Variants in CNBD1 observed in about 807,000 individuals in gnomAD.
CNBD1 encodes cyclic nucleotide binding domain containing 1, also known as cyclic nucleotide-binding domain-containing protein 1.
A neutral mutation model predicts 54.4 loss-of-function variants in CNBD1; 71 were observed. The observed-to-expected ratio is 1.30, with a 90% CI of 1.08 to 1.59. The LOEUF is 1.59. Ranked by LOEUF, CNBD1 falls within the 40% of genes most tolerant of loss-of-function variation. The pLI is 0.00. For missense variants in CNBD1, 659 were observed against 518.0 expected, an observed-to-expected ratio of 1.27 and a Z score of -2.64; for synonymous variants, 182 against 170.7, an observed-to-expected ratio of 1.07 and a Z score of -0.51.
intron 10 of CNBD1, among the ~76,000 whole-genome samples, chr8:87,357,333 G>T (rs1044375937): frequency 6.6e-6 from 1 of 152,160 alleles, no homozygotes; most frequent in Non-Finnish European, 1.5e-5. Context: ...GCCTGGAAAA[G>T]CTACAGGCGT....
chr8:86,872,645 C>T (rs1414083223), intron 1 of CNBD1, among the ~76,000 whole-genome samples: 1 of 152,052 alleles, frequency 6.6e-6, no homozygotes, highest in African/African-American at 2.4e-5. Context: ...AGTGGTATCT[C>T]GCTGTGGATT....
At chr8:87,351,818 T>C (rs755658687) in intron 9 of CNBD1, 24 bp downstream of exon 9, 7 of 1,438,498 alleles carry the variant, frequency 4.9e-6, no homozygotes, top group Non-Finnish European at 6.4e-6. Flanking sequence ...ATGTATTCTT[T>C]TTAATCAATT....
At chr8:86,998,527 G>T (rs767406307) in intron 4 of CNBD1, among the ~76,000 whole-genome samples, 1 of 152,156 alleles carries the variant, frequency 6.6e-6, no homozygotes, top group Non-Finnish European at 1.5e-5. Context: ...GGGGTCCTGT[G>T]CATTGGGCAA....
chr8:87,355,885 A>G (rs991658520), intron 10 of CNBD1, among the ~76,000 whole-genome samples: 1 of 152,114 alleles, frequency 6.6e-6, no homozygotes, highest in Non-Finnish European at 1.5e-5. Flanking sequence ...GGTCAAGGAG[A>G]TGGATCCTTT....
chr8:87,016,126 G>A lies in CNBD1; in HGVS notation c.431+76372G>A, dbSNP rs892154948. 7.3e-5 allele frequency among the ~76,000 whole-genome samples: 11 copies of A among 151,274 alleles called. 1 individual carries two copies. Among genetic ancestry groups the A allele is most frequent in the Non-Finnish European group, 2.9e-5 (2 of 67,944 alleles). On this transcript the variant is annotated intron_variant, in intron 4 of 10. Coordinates refer to ENST00000518476, the MANE Select transcript of CNBD1 (RefSeq NM_173538.3). ...AACTTAAAAATGTAAGTGCTTATCA[G>A]ATTGGCAAAAGCTAGCTCAGATGCC...
intron 3 of CNBD1, among the ~76,000 whole-genome samples, chr8:86,923,014 T>A (rs2131826438): frequency 6.6e-6 from 1 of 152,328 alleles, no homozygotes; most frequent in Non-Finnish European, 1.5e-5. Flanking sequence ...TATGTGATAC[T>A]GTTACCAGAA....
intron 4 of CNBD1, among the ~76,000 whole-genome samples, chr8:87,033,155 C>G (rs1308662683): frequency 1.3e-5 from 2 of 152,084 alleles, no homozygotes; most frequent in Non-Finnish European, 2.9e-5. Flanking sequence ...TGTAATTTTC[C>G]CAGACTTTCC....
chr8:86,957,565 T>A (rs1177997535), intron 4 of CNBD1, among the ~76,000 whole-genome samples: 1 of 152,204 alleles, frequency 6.6e-6, no homozygotes, highest in Non-Finnish European at 1.5e-5. Flanking sequence ...TGGGAGGGTG[T>A]ATGTGTCCAG....
chr8:87,270,920 G>A (rs538900100), intron 6 of CNBD1, among the ~76,000 whole-genome samples: 4 of 151,600 alleles, frequency 2.6e-5, no homozygotes, highest in African/African-American at 7.2e-5. Flanking sequence ...GTTTGATGGA[G>A]GACTTTTTAT....
At position 87,286,539 on chromosome 8, in the gene CNBD1, G is replaced by T; in HGVS notation, c.910G>T (p.Glu304Ter). 7.1e-7 allele frequency: 1 copy of T among 1,406,918 alleles called. No individual in the cohort carries two copies. The highest frequency in any genetic ancestry group is 1.3e-5 in the South Asian group (1 of 77,170). 87.2% of individuals were successfully genotyped at this position (1,406,918 alleles called of 1,614,324 possible). A position where few individuals can be genotyped will look rare whatever the true frequency, so the allele number is the denominator to read the frequency against. The stretch of plus-strand genomic sequence containing the variant: ...ATTTGATAATGACATTCTGTTTTAG[G>T]AAAAAATAAAACTTGAAAATATGCA... The part of the protein sequence containing the change: ...PAKGYAKIKE[E>*]KIKLENMQKL... The change falls in exon 8 of 11, where the codon GAA becomes TAA. Residue 304 changes from glutamate (E) to a stop codon, truncating the protein, a stop_gained and splice_region_variant. Transcript: ENST00000518476. LOFTEE classifies it high-confidence loss of function.
intron 4 of CNBD1, among the ~76,000 whole-genome samples, chr8:87,011,241 A>C (rs1809215197): frequency 6.6e-6 from 1 of 151,718 alleles, no homozygotes; most frequent in South Asian, 2.1e-4. Flanking sequence ...TGTGCAACTA[A>C]AGAATTCTCT....
chr8:87,313,283 G>A (rs566259593), intron 8 of CNBD1, among the ~76,000 whole-genome samples: 38 of 152,096 alleles, frequency 2.5e-4, no homozygotes, highest in African/African-American at 8.9e-4. Context: ...GAAAATATTT[G>A]TCATAGAATG....
intron 5 of CNBD1, among the ~76,000 whole-genome samples, chr8:87,208,600 A>G (rs1322808353): frequency 6.6e-6 from 1 of 152,054 alleles, no homozygotes; most frequent in Non-Finnish European, 1.5e-5. Context: ...AAAGCTCATG[A>G]AAACTAAAAG....
At chr8:86,992,850 C>T (rs758509637) in intron 4 of CNBD1, among the ~76,000 whole-genome samples, 9 of 152,084 alleles carry the variant, frequency 5.9e-5, no homozygotes, top group Non-Finnish European at 1.3e-4. Context: ...TTCGTATGTG[C>T]CTTGACCCTT....
intron 8 of CNBD1, among the ~76,000 whole-genome samples, chr8:87,314,471 A>G (rs1237649817): frequency 6.6e-6 from 1 of 151,978 alleles, no homozygotes; most frequent in Non-Finnish European, 1.5e-5. Context: ...CTTTCATGAT[A>G]TGATAAAGTG....
intron 4 of CNBD1, among the ~76,000 whole-genome samples, chr8:87,093,864 G>T (rs1428419660): frequency 6.6e-6 from 1 of 152,114 alleles, no homozygotes; most frequent in Non-Finnish European, 1.5e-5. Flanking sequence ...CTTTTCTAAG[G>T]ATTAGGTCAA....
chr8:87,422,857 C>T (rs1312297976), intron 2 of CNBD1, among the ~76,000 whole-genome samples: 2 of 152,120 alleles, frequency 1.3e-5, no homozygotes. Flanking sequence ...CTGTAAATTA[C>T]CTTGGGCAGT....
At chr8:87,425,013 C>T (rs1808020072) in intron 2 of CNBD1, among the ~76,000 whole-genome samples, 1 of 151,990 alleles carries the variant, frequency 6.6e-6, no homozygotes, top group Non-Finnish European at 1.5e-5. Context: ...GGAGGCTTTC[C>T]TCATTTCTTT....
chr8:87,102,264 C>T (rs1257473741), intron 4 of CNBD1, among the ~76,000 whole-genome samples: 1 of 152,012 alleles, frequency 6.6e-6, no homozygotes, highest in Non-Finnish European at 1.5e-5. Context: ...TTGGAGGTCT[C>T]TGAGTGGGCA....
Sources: gnomAD v4.1 joint callset for allele counts (sites outside exome capture counted in the v4.1 genomes callset) on GRCh38, gnomAD v4.1.1 for gene constraint, MANE v1.5 for transcripts, NCBI Gene and HGNC (gene_info 2026-07-23, HGNC 2026-07-21) for gene names.